The following SH3TC1 variants were observed in gnomAD, a reference collection of about 807,000 sequenced individuals.
SH3TC1 encodes SH3 domain and tetratricopeptide repeats 1.
Under a neutral mutation model 117.3 loss-of-function variants are expected in SH3TC1, and 135 were observed. That is an observed-to-expected ratio of 1.15 (90% CI 1.00 to 1.33). The LOEUF (loss-of-function observed/expected upper bound fraction) is 1.33, where lower values mean the gene tolerates loss of function less well. Ranked by LOEUF, SH3TC1 falls within the 40% of genes most tolerant of loss-of-function variation. The pLI, the probability that SH3TC1 is intolerant of heterozygous loss-of-function variation, is 0.00. For synonymous variants in SH3TC1, 898 were observed against 816.9 expected, an observed-to-expected ratio of 1.10 and a Z score of -1.69; for missense variants, 2,092 against 1,794.3, an observed-to-expected ratio of 1.17 and a Z score of -3.00.
chr4:8,223,629 C>T (rs1720156792), intron 10 of SH3TC1, among the ~76,000 whole-genome samples: 1 of 149,832 alleles, frequency 6.7e-6, no homozygotes, highest in African/African-American at 2.5e-5. Flanking sequence ...GCTACACACC[C>T]ACTTTTTTTT....
chr4:8,222,939 G>A lies in SH3TC1; in HGVS notation c.1212G>A (p.Ser404=), dbSNP rs777503166. ...EDARQLLRRM[S]GTDVCSVYSL... ...CCAGGCAGTTGCTGAGGCGGATGTC[G>A]GGCACCGATGTCTGCAGCGTGTACA... is the stretch of plus-strand genomic sequence containing the variant. Residue 404 remains serine (S), a synonymous_variant, in exon 10 of 18, where the codon TCG becomes TCA. Coordinates refer to ENST00000245105, the MANE Select transcript of SH3TC1 (RefSeq NM_018986.5). The A allele has an allele frequency of 2.2e-5, 36 of 1,612,542 alleles. 1 individual carries two copies. Among genetic ancestry groups the A allele is most frequent in the South Asian group, 4.4e-5 (4 of 91,002 alleles).
At chr4:8,233,080 G>A in intron 13 of SH3TC1, 1 of 1,279,500 alleles carries the variant, frequency 7.8e-7, no homozygotes, top group African/African-American at 1.5e-5. Context: ...GTCTAGAGAA[G>A]ACACAGGCCA....
intron 12 of SH3TC1, among the ~76,000 whole-genome samples, chr4:8,230,957 T>G (rs1721146708): frequency 6.6e-6 from 1 of 152,146 alleles, no homozygotes; most frequent in African/African-American, 2.4e-5. Flanking sequence ...TTTTTGTATT[T>G]TTTTGTAGAG....
intron 14 of SH3TC1, among the ~76,000 whole-genome samples, chr4:8,234,806 T>G (rs1408971417): frequency 6.6e-6 from 1 of 152,216 alleles, no homozygotes; most frequent in Non-Finnish European, 1.5e-5. Context: ...CATGCTCAAA[T>G]AATGTGGCCT....
At chr4:8,218,135 TGCAC>T in intron 7 of SH3TC1, 132 bp from the exon 8 acceptor site, 1 of 581,400 alleles carries the variant, frequency 1.7e-6, no homozygotes, top group Non-Finnish European at 3.1e-6. Flanking sequence ...TGTGTGTGTG[TGCAC>T]GTGTGTGTGT....
chr4:8,195,049 T>A (rs1225544004), upstream of SH3TC1, among the ~76,000 whole-genome samples: 1 of 152,090 alleles, frequency 6.6e-6, no homozygotes, highest in Non-Finnish European at 1.5e-5. Context: ...CCTCTGTGAA[T>A]CAGTCCAGCG....
At chr4:8,193,010 C>T (rs1717461959) in intron 1 of SH3TC1, among the ~76,000 whole-genome samples, 1 of 152,202 alleles carries the variant, frequency 6.6e-6, no homozygotes, top group South Asian at 2.1e-4. Flanking sequence ...CACATCTGGC[C>T]CCCTGTCTTG....
At chr4:8,234,510 T>A (rs1205830820) in intron 14 of SH3TC1, among the ~76,000 whole-genome samples, 1 of 149,408 alleles carries the variant, frequency 6.7e-6, no homozygotes, top group Non-Finnish European at 1.5e-5. Context: ...CATCCATTCA[T>A]CTGTCCATCC....
At chr4:8,211,089 C>G (rs1245953334) in intron 3 of SH3TC1, among the ~76,000 whole-genome samples, 3 of 117,594 alleles carry the variant, frequency 2.6e-5, no homozygotes, top group Non-Finnish European at 3.6e-5. Context: ...GTTTCTCCCC[C>G]CTCCCTCCCT....
intron 5 of SH3TC1, chr4:8,215,310 G>C (rs1162198215): frequency 6.7e-6 from 3 of 448,222 alleles, no homozygotes; most frequent in Admixed American, 2.4e-5. Context: ...AGCCTCCCTG[G>C]GGATCTTGCG....
At chr4:8,188,578 G>A (rs759937757) in intron 1 of SH3TC1, among the ~76,000 whole-genome samples, 19 of 152,186 alleles carry the variant, frequency 1.2e-4, no homozygotes, top group Non-Finnish European at 2.4e-4. Context: ...GGAGTTTCCC[G>A]GTCCCCCCTC....
chr4:8,212,978 T>C, intron 4 of SH3TC1, 150 bp downstream of exon 4: 1 of 1,072,296 alleles, frequency 9.3e-7, no homozygotes, highest in Non-Finnish European at 1.3e-6. Context: ...GAGGGGCGGC[T>C]GTGATACCCA....
chr4:8,216,314 A>G (rs1336024196), intron 6 of SH3TC1, 57 bp downstream of exon 6: 46 of 1,575,828 alleles, frequency 2.9e-5, no homozygotes, highest in Non-Finnish European at 3.8e-5. Context: ...CTCCCGGGCC[A>G]TGGGGTGACA....
rs976787052 is a variant in SH3TC1 at position 8,210,008 on chromosome 4, G to T, written c.247+186G>T. Among the ~76,000 whole-genome samples the T allele has an allele frequency of 6.6e-6, 1 of 152,200 alleles. No individual in the cohort carries two copies. The highest frequency in any genetic ancestry group is 1.5e-5 in the Non-Finnish European group (1 of 68,026). The stretch of plus-strand genomic sequence containing the variant: ...TGCCCAGGTCCTGCACCCAGAGGGG[G>T]ACATGGCCCCTGGGGCTCCCCTAGG... On this transcript the variant is annotated intron_variant, in intron 3 of 17. Transcript: ENST00000245105. The surrounding 1 kb of genome is among the most constrained non-coding windows in gnomAD (Gnocchi z 4.1).
intron 8 of SH3TC1, among the ~76,000 whole-genome samples, chr4:8,219,127 CTCA>C (rs1426045647): frequency 1.3e-5 from 2 of 152,318 alleles, no homozygotes; most frequent in South Asian, 4.1e-4. Context: ...CTCCATTTTT[CTCA>C]TCTTCAACAG....
chr4:8,236,107 C>T (rs1056488082), intron 15 of SH3TC1, 171 bp from the exon 16 acceptor site: 2 of 818,338 alleles, frequency 2.4e-6, no homozygotes, highest in Non-Finnish European at 1.8e-6. Context: ...GGTGACTCTT[C>T]AGCCCCTAGC....
At chr4:8,237,308 T>C (rs1428576385) in intron 16 of SH3TC1, 166 bp from the exon 17 acceptor site, 2 of 575,116 alleles carry the variant, frequency 3.5e-6, no homozygotes, top group Non-Finnish European at 5.8e-6. Flanking sequence ...CAGGCCTTAT[T>C]AGTTCTGCTT....
In SH3TC1 at chr4:8,227,433, G is replaced by A. The variant is rs371546678; in HGVS notation, c.1739G>A (p.Arg580Gln). ...CSRRLKLSQA[R>Q]VYFEEALGAL... ...AGGAGGCTCAAGCTGTCCCAGGCCC[G>A]GGTGTACTTTGAGGAAGCGCTGGGG... Residue 580 changes from arginine to glutamine, a missense_variant, in exon 12 of 18, where the codon CGG (arginine) becomes CAG (glutamine). Transcript: ENST00000245105. 38 of 1,556,730 alleles carry A rather than the reference G, an allele frequency of 2.4e-5. No homozygotes were observed. The highest frequency in any genetic ancestry group is 3.2e-5 in the Non-Finnish European group (37 of 1,155,274).
chr4:8,214,624 C>A, intron 5 of SH3TC1, 44 bp downstream of exon 5: 1 of 1,479,746 alleles, frequency 6.8e-7, no homozygotes, highest in Non-Finnish European at 9.4e-7. Flanking sequence ...GGACGCCCGT[C>A]GGAAGGTGCT....
Sources: gnomAD v4.1 joint callset for allele counts (sites outside exome capture counted in the v4.1 genomes callset) on GRCh38, gnomAD v4.1.1 for gene constraint, Gnocchi (gnomAD v3.1) non-coding constraint, MANE v1.5 for transcripts, NCBI Gene and HGNC (gene_info 2026-07-23, HGNC 2026-07-21) for gene names.